The following TASOR variants were observed in gnomAD, a reference collection of about 807,000 sequenced individuals.
TASOR encodes the protein transcription activation suppressor.
Under a neutral mutation model 178.6 loss-of-function variants are expected in TASOR, and 53 were observed. That is an observed-to-expected ratio of 0.30 (90% confidence interval 0.24 to 0.37). TASOR has a LOEUF of 0.37. TASOR is among the 10% of genes least tolerant of loss of function. The probability of loss-of-function intolerance (pLI) is 1.00; values close to 1 mark genes in which losing one functional copy is unlikely to be tolerated. For synonymous variants in TASOR, 713 were observed against 696.2 expected (o/e 1.02, Z -0.38); for missense variants, 1,815 against 1,971.4 (o/e 0.92, Z 1.50).
At chr3:56,668,697 G>C in intron 5 of TASOR, 139 bp from the exon 6 acceptor site, 1 of 687,886 alleles carries the variant, frequency 1.5e-6, no homozygotes, top group Admixed American at 3.2e-5. Context: ...AGAACAGCTG[G>C]GCGCGGTGAC....
rs2076704826 is a variant in TASOR, at chr3:56,622,303, A to AAAT, written c.*731_*733dup. 1 of 152,166 alleles carries AAAT rather than the reference A, an allele frequency of 6.6e-6. No homozygotes were observed. Among genetic ancestry groups the AAAT allele is most frequent in the Admixed American group, 6.5e-5 (1 of 15,270 alleles). The allele number at this position is 152,166 out of a possible 1,614,324, so 9.4% of individuals were successfully genotyped here. On this transcript the variant is annotated 3_prime_UTR_variant, in exon 24 of 24. Transcript: ENST00000683822. ...GTAATTACTACTAAGACCACCTCAA[A>AAAT]AATATATTCCCATTATACTTCCATT...
intron 1 of TASOR, among the ~76,000 whole-genome samples, chr3:56,681,568 A>G (rs1371630258): frequency 2.0e-5 from 3 of 152,186 alleles, no homozygotes; most frequent in Non-Finnish European, 4.4e-5. Context: ...ATGCTTATGG[A>G]AAGTCAGTAT....
chr3:56,656,608 A>G (rs2077475750), intron 11 of TASOR, among the ~76,000 whole-genome samples: 2 of 151,970 alleles, frequency 1.3e-5, no homozygotes, highest in African/African-American at 4.8e-5. Flanking sequence ...CCCCCAAAAA[A>G]AGAAAGAAAA....
intron 13 of TASOR, among the ~76,000 whole-genome samples, 198 bp from the exon 14 acceptor site, chr3:56,647,421 A>C (rs2077258476): frequency 6.6e-6 from 1 of 152,198 alleles, no homozygotes; most frequent in Non-Finnish European, 1.5e-5. Context: ...GGATCCTAAA[A>C]CAGGCCAATA....
chr3:56,676,663 A>G (rs775463981), intron 1 of TASOR, among the ~76,000 whole-genome samples: 2 of 152,256 alleles, frequency 1.3e-5, no homozygotes, highest in African/African-American at 2.4e-5. Flanking sequence ...GCCAATTTCT[A>G]TGAAATGTTA....
At chr3:56,657,800 T>C (rs376085388) in intron 11 of TASOR, among the ~76,000 whole-genome samples, 2 of 152,216 alleles carry the variant, frequency 1.3e-5, no homozygotes, top group East Asian at 3.9e-4. Flanking sequence ...TACCAAAGAG[T>C]TGGAGTTAAT....
chr3:56,658,219 G>A (rs1351471902), intron 11 of TASOR, among the ~76,000 whole-genome samples: 3 of 152,184 alleles, frequency 2.0e-5, no homozygotes, highest in African/African-American at 7.2e-5. Flanking sequence ...GTGTATCCTT[G>A]TAGAATGCTA....
At chr3:56,643,539 GA>G (rs1228379458) in intron 14 of TASOR, among the ~76,000 whole-genome samples, 11 of 152,054 alleles carry the variant, frequency 7.2e-5, no homozygotes, top group African/African-American at 2.7e-4. Context: ...GAGGCGGGCG[GA>G]TCACAAGGTC....
chr3:56,639,886 C>A (rs978989345), intron 16 of TASOR, 100 bp downstream of exon 16: 1 of 1,013,332 alleles, frequency 9.9e-7, no homozygotes, highest in Non-Finnish European at 1.4e-6. Flanking sequence ...GATGAAGCAC[C>A]TAGTGACCCA....
chr3:56,680,485 A>G (rs1312064469), intron 1 of TASOR, among the ~76,000 whole-genome samples: 1 of 152,156 alleles, frequency 6.6e-6, no homozygotes, highest in Non-Finnish European at 1.5e-5. Flanking sequence ...TTTAAGTCCT[A>G]ATCTTAAATT....
intron 17 of TASOR, among the ~76,000 whole-genome samples, 178 bp downstream of exon 17, chr3:56,638,528 A>G (rs1176496344): frequency 2.0e-5 from 3 of 152,192 alleles, no homozygotes; most frequent in African/African-American, 7.2e-5. Context: ...CACTCTTTAT[A>G]GTAAGAATAG....
At chr3:56,648,079 G>A (rs1216322329) in intron 13 of TASOR, among the ~76,000 whole-genome samples, 1 of 152,092 alleles carries the variant, frequency 6.6e-6, no homozygotes, top group Non-Finnish European at 1.5e-5. Context: ...GCTGGCGCAC[G>A]CCTGTAATCC....
At chr3:56,660,865 C>CA in intron 10 of TASOR, 31 bp from the exon 11 acceptor site, 2 of 1,607,980 alleles carry the variant, frequency 1.2e-6, no homozygotes, top group Non-Finnish European at 1.7e-6. Flanking sequence ...AGTAAATATC[C>CA]AAATCAAGTC....
chr3:56,633,827 G>T lies in TASOR; in HGVS notation c.2964C>A (p.Thr988=). 1 of 1,614,050 alleles carries T rather than the reference G, an allele frequency of 6.2e-7. No homozygotes were observed. The highest frequency in any genetic ancestry group is 1.1e-5 in the South Asian group (1 of 91,064). ...GACCTGTCAACACGTCATCCTCAGT[G>T]GTGCCCTTTAGTGTGTCTGTAAATG... The part of the protein sequence containing the change: ...SSPFTDTLKG[T]TEDDVLTGQV... Residue 988 remains threonine (T), a synonymous_variant, in exon 18 of 24, where the codon ACC becomes ACA. Coordinates refer to ENST00000683822, the MANE Select transcript of TASOR (RefSeq NM_001365635.2).
intron 9 of TASOR, among the ~76,000 whole-genome samples, chr3:56,661,303 C>G (rs536824636): frequency 6.6e-6 from 1 of 152,094 alleles, no homozygotes; most frequent in East Asian, 1.9e-4. Context: ...TGTGCCACCA[C>G]GCTAGGGTAA....
At chr3:56,651,677 C>G (rs2077354911) in intron 11 of TASOR, among the ~76,000 whole-genome samples, 2 of 149,854 alleles carry the variant, frequency 1.3e-5, no homozygotes, top group African/African-American at 5.0e-5. Context: ...GCACCTCAGC[C>G]TAGGCAACAG....
At chr3:56,648,306 A>C (rs2077277490) in intron 13 of TASOR, among the ~76,000 whole-genome samples, 1 of 152,108 alleles carries the variant, frequency 6.6e-6, no homozygotes, top group African/African-American at 2.4e-5. Flanking sequence ...GAGAGCACTG[A>C]TAAACACAAA....
chr3:56,627,294 T>C, intron 20 of TASOR, 149 bp from the exon 21 acceptor site: 1 of 628,592 alleles, frequency 1.6e-6, no homozygotes, highest in South Asian at 2.0e-5. Context: ...GACAGATCTA[T>C]ACATGCCTAA....
In TASOR at chr3:56,660,740, T is replaced by C; in HGVS notation, c.1359A>G (p.Arg453=). 1 of 1,610,964 alleles carries C rather than the reference T, an allele frequency of 6.2e-7. No homozygotes were observed. The highest frequency in any genetic ancestry group is 8.5e-7 in the Non-Finnish European group (1 of 1,179,174). ...AAAACTTTTCACTCACAAGTTTTTC[T>C]CTGTCTAGTTTTTGCAGTAAACTCT... ...NMESLLQKLD[R]EKLVLVKPLG... Residue 453 remains arginine, a synonymous_variant, in exon 11 of 24, where the codon AGA becomes AGG. Coordinates refer to ENST00000683822, the MANE Select transcript of TASOR (RefSeq NM_001365635.2).
Sources: gnomAD v4.1 joint callset for allele counts (sites outside exome capture counted in the v4.1 genomes callset) on GRCh38, gnomAD v4.1.1 for gene constraint, MANE v1.5 for transcripts, NCBI Gene and HGNC (gene_info 2026-07-23, HGNC 2026-07-21) for gene names.